FANCM: variants seen among roughly 807,000 people sequenced by gnomAD.
FANCM encodes the protein Fanconi anemia group M protein.
FANCM carries 140 observed loss-of-function variants against 199.5 expected under a neutral mutation model. The observed-to-expected ratio is 0.70, with a 90% CI of 0.61 to 0.81. The LOEUF (loss-of-function observed/expected upper bound fraction) is 0.81. FANCM is among the 30% of genes least tolerant of loss of function. The pLI, the probability that FANCM is intolerant of heterozygous loss-of-function variation, is 0.00. For missense variants in FANCM, 2,410 were observed against 2,421.4 expected, an observed-to-expected ratio of 1.00 and a Z score of 0.10; for synonymous variants, 840 against 836.8, an observed-to-expected ratio of 1.00 and a Z score of -0.07.
intron 21 of FANCM, among the ~76,000 whole-genome samples, chr14:45,197,767 C>CTT (rs112878615): frequency 2.5e-5 from 3 of 118,440 alleles, no homozygotes; most frequent in Non-Finnish European, 3.7e-5. Flanking sequence ...GCCCAGCCTT[C>CTT]TTTTTTTTTT....
intron 14 of FANCM, among the ~76,000 whole-genome samples, chr14:45,180,018 G>A (rs1888968660): frequency 1.3e-5 from 2 of 152,080 alleles, no homozygotes; most frequent in Admixed American, 6.6e-5. Flanking sequence ...TCAAGCCTTC[G>A]TTCACTAAAA....
Position 45,176,714 on chromosome 14 carries a change from G to A in FANCM, c.3960G>A (p.Leu1320=), listed in dbSNP as rs745456931. 3.7e-6 allele frequency: 6 copies of A among 1,613,418 alleles called. No homozygotes were observed. The highest frequency in any genetic ancestry group is 5.1e-6 in the Non-Finnish European group (6 of 1,179,714). ...TGAGTGCAGCAAAAAATGAAGAATTGTTATCTCCTGGTTATTCTCAGTTTT... is the reference window on the plus strand; with the variant it reads ...TGAGTGCAGCAAAAAATGAAGAATTATTATCTCCTGGTTATTCTCAGTTTT... The part of the protein sequence containing the change: ...LPLSAAKNEE[L]LSPGYSQFSL... The change falls in exon 14 of 23, where the codon TTG becomes TTA. Residue 1320 remains leucine (L), a synonymous_variant. Transcript: ENST00000267430.
At chr14:45,192,549 A>G (rs747287607) in intron 20 of FANCM, among the ~76,000 whole-genome samples, 18 of 152,212 alleles carry the variant, frequency 1.2e-4, no homozygotes, top group Non-Finnish European at 2.4e-4. Context: ...AGGCTGCGCC[A>G]GGAGAATTGC....
Position 45,189,360 on chromosome 14 carries a change from A to G in FANCM, c.5338A>G (p.Lys1780Glu). 6.2e-7 allele frequency: 1 copy of G among 1,604,882 alleles called. No individual in the cohort carries two copies. Among genetic ancestry groups the G allele is most frequent in the Non-Finnish European group, 8.5e-7 (1 of 1,171,614 alleles). ...KDCRKFPVPQKDGSALEDSST... is the reference protein window; with the variant it reads ...KDCRKFPVPQEDGSALEDSST... The stretch of plus-strand genomic sequence containing the variant: ...CTGTAGAAAATTTCCAGTTCCACAG[A>G]AGGTATGGATCAAAGAAAGGAAAAA... Residue 1780 changes from lysine (K) to glutamate (E), a missense_variant and splice_region_variant, in exon 20 of 23, where the codon AAG becomes GAG. By Grantham distance (56) the Lys-to-Glu change is moderately conservative. Transcript: ENST00000267430.
At chr14:45,173,415 A>G (rs541445665) in intron 13 of FANCM, among the ~76,000 whole-genome samples, 3 of 152,374 alleles carry the variant, frequency 2.0e-5, no homozygotes, top group Admixed American at 6.5e-5. Context: ...AAATATTGAT[A>G]GACCAGAGTA....
intron 22 of FANCM, 93 bp from the exon 23 acceptor site, chr14:45,199,777 A>T: frequency 9.0e-7 from 1 of 1,112,678 alleles, no homozygotes; most frequent in South Asian, 1.3e-5. Flanking sequence ...TGATTTCCTT[A>T]AAGGCTACTG....
At chr14:45,187,944 C>T in intron 19 of FANCM, 57 bp downstream of exon 19, 1 of 879,450 alleles carries the variant, frequency 1.1e-6, no homozygotes. Context: ...GAAATATGTT[C>T]CTGTTAGTGA....
rs958848291 is a variant in FANCM, at chr14:45,188,694, A to G, written c.4780-108A>G. 6 of 823,344 alleles carry G rather than the reference A, an allele frequency of 7.3e-6. No individual in the cohort carries two copies. The African/African-American group carries it at 1.0e-4, about 14-fold the overall frequency. 51.0% of individuals were successfully genotyped at this position (823,344 alleles called of 1,614,324 possible). A position where few individuals can be genotyped will look rare whatever the true frequency, so the allele number is the denominator to read the frequency against. Reference sequence around the variant, plus strand: ...GTTGAGTAAGTGGCTGAATTAATAAAGTAAATTAAACAAATATTAATGCAG... The same window carrying G: ...GTTGAGTAAGTGGCTGAATTAATAAGGTAAATTAAACAAATATTAATGCAG... On this transcript the variant is annotated intron_variant, in intron 19 of 22. Coordinates refer to ENST00000267430, the MANE Select transcript of FANCM (RefSeq NM_020937.4).
At chr14:45,183,952 G>A (rs1889228689) in intron 17 of FANCM, 50 bp downstream of exon 17, 3 of 1,396,048 alleles carry the variant, frequency 2.1e-6, no homozygotes, top group Non-Finnish European at 2.0e-6. Flanking sequence ...TATCAGTAAA[G>A]ATAATTGGTT....
At chr14:45,157,365 G>T (rs1489354590) in intron 8 of FANCM, among the ~76,000 whole-genome samples, 2 of 152,152 alleles carry the variant, frequency 1.3e-5, no homozygotes, top group Non-Finnish European at 2.9e-5. Flanking sequence ...ACAGTTTAGA[G>T]ATATACAGAG....
chr14:45,171,692 TGTGTG>T (rs1323665124), intron 12 of FANCM, among the ~76,000 whole-genome samples: 7 of 2,246 alleles, frequency 3.1e-3, no homozygotes, highest in Middle Eastern at 0.25. Context: ...TAGTCCATGT[TGTGTG>T]TGTGTGTGTG....
At chr14:45,161,136 C>T (rs1319166791) in intron 9 of FANCM, among the ~76,000 whole-genome samples, 1 of 152,124 alleles carries the variant, frequency 6.6e-6, no homozygotes, top group Non-Finnish European at 1.5e-5. Context: ...TCATTATTTC[C>T]TGAGCTTGTC....
At position 45,198,718 on chromosome 14, in the gene FANCM, C is replaced by A. The variant is rs144567652; in HGVS notation, c.5791C>A (p.Arg1931=). 6.2e-7 allele frequency: 1 copy of A among 1,613,868 alleles called. No individual in the cohort carries two copies. The highest frequency in any genetic ancestry group is 1.1e-5 in the South Asian group (1 of 91,058). ...GACTACCTTAATTGGCGCTGGAATC[C>A]GAATTCTTTTCAGTTCCTGCCAAGA... ...LLTTLIGAGI[R]ILFSSCQEET... Residue 1931 remains arginine, a synonymous_variant, in exon 22 of 23, where the codon CGA becomes AGA. Transcript: ENST00000267430.
chr14:45,154,058 T>G lies in FANCM; in HGVS notation c.1183+6T>G. ...AATTATGGATGGAACTAAAGGTAAA[T>G]TATATCAAATTATTTAAAGAAATAA... is the stretch of plus-strand genomic sequence containing the variant. On this transcript the variant is annotated splice_donor_region_variant and intron_variant, in intron 6 of 22. Transcript: ENST00000267430. The G allele has an allele frequency of 1.3e-6, 2 of 1,516,466 alleles. No individual in the cohort carries two copies. 93.9% of individuals were successfully genotyped at this position (1,516,466 alleles called of 1,614,324 possible).
chr14:45,159,876 T>C (rs1159497229), intron 9 of FANCM, among the ~76,000 whole-genome samples: 3 of 152,182 alleles, frequency 2.0e-5, no homozygotes, highest in African/African-American at 7.2e-5. Context: ...TGCAGCTTTT[T>C]ATAAATTAAC....
chr14:45,163,266 C>T (rs372119589), intron 9 of FANCM, among the ~76,000 whole-genome samples: 1 of 152,192 alleles, frequency 6.6e-6, no homozygotes, highest in African/African-American at 2.4e-5. Flanking sequence ...ATAATATCTA[C>T]CTCATAGGGT....
At position 45,176,370 on chromosome 14, in the gene FANCM, C is replaced by A. The variant is rs377167890; in HGVS notation, c.3616C>A (p.Gln1206Lys). The A allele has an allele frequency of 6.2e-7, 1 of 1,613,004 alleles. No individual in the cohort carries two copies. The highest frequency in any genetic ancestry group is 1.3e-5 in the African/African-American group (1 of 75,008). ...RDANSFKSRD[Q>K]RGVQEEKVKN... is the part of the protein sequence containing the mutation. Reference sequence around the variant, plus strand: ...TGCTAATAGTTTTAAATCTCGTGATCAGAGAGGTGTACAGGAAGAAAAAGT... The same window carrying A: ...TGCTAATAGTTTTAAATCTCGTGATAAGAGAGGTGTACAGGAAGAAAAAGT... The change falls in exon 14 of 23, where the codon CAG becomes AAG. Residue 1206 changes from glutamine (Q) to lysine (K), a missense_variant. Transcript: ENST00000267430.
At chr14:45,139,993 A>G (rs1006300172) in intron 2 of FANCM, among the ~76,000 whole-genome samples, 2 of 152,196 alleles carry the variant, frequency 1.3e-5, no homozygotes, top group African/African-American at 2.4e-5. Context: ...TGTTTCTAAA[A>G]AAAAAATTTT....
At chr14:45,166,383 C>T (rs1172401515) in intron 10 of FANCM, among the ~76,000 whole-genome samples, 7 of 152,030 alleles carry the variant, frequency 4.6e-5, no homozygotes, top group African/African-American at 1.2e-4. Context: ...GTGATCTGCC[C>T]GCCTGGGCCT....
Sources: allele counts gnomAD v4.1 joint callset (sites outside exome capture counted in the v4.1 genomes callset), GRCh38; gene constraint gnomAD v4.1.1; transcripts MANE v1.5; gene names NCBI Gene and HGNC (gene_info 2026-07-23, HGNC 2026-07-21).